FAF1: variants seen among roughly 807,000 people sequenced by gnomAD.
The protein encoded by FAF1 is Fas associated factor 1, also known as FAS-associated factor 1.
Under a neutral mutation model 92.5 loss-of-function variants are expected in FAF1, and 25 were observed. That is an observed-to-expected ratio of 0.27 (90% CI 0.20 to 0.38). The LOEUF (loss-of-function observed/expected upper bound fraction) is 0.38. Among genes scored for constraint, FAF1 ranks in the 10% least tolerant of loss-of-function variants. FAF1 has a pLI of 1.00. For missense variants in FAF1, 636 were observed against 793.3 expected, an observed-to-expected ratio of 0.80 and a Z score of 2.38; for synonymous variants, 234 against 273.2, an observed-to-expected ratio of 0.86 and a Z score of 1.42.
chr1:50,769,699 G>C (rs987545835), intron 4 of FAF1, among the ~76,000 whole-genome samples: 1 of 152,112 alleles, frequency 6.6e-6, no homozygotes, highest in African/African-American at 2.4e-5. Flanking sequence ...AAAACCACAT[G>C]ATCATTTCAA....
chr1:50,475,652 G>A lies in FAF1; in HGVS notation c.1681C>T (p.Leu561=). 1 of 1,613,958 alleles carries A rather than the reference G, an allele frequency of 6.2e-7. No individual in the cohort carries two copies. The highest frequency in any genetic ancestry group is 8.5e-7 in the Non-Finnish European group (1 of 1,179,948). The stretch of plus-strand genomic sequence containing the variant: ...TTTTCTTCCTTTGGCTCAGGAGGCA[G>A]GGCTTGCTCTAAGGACAGCCGGATG... ...EAIRLSLEQA[L]PPEPKEENAE... The change falls in exon 18 of 19, where the codon CTG becomes TTG. Residue 561 remains leucine (L), a synonymous_variant. Transcript: ENST00000396153.
At chr1:50,543,399 A>G (rs1648848995) in intron 13 of FAF1, among the ~76,000 whole-genome samples, 1 of 152,200 alleles carries the variant, frequency 6.6e-6, no homozygotes, top group Non-Finnish European at 1.5e-5. Context: ...AAAACTGTCA[A>G]CTACTCTATT....
At chr1:50,563,170 A>C (rs1650011606) in intron 13 of FAF1, among the ~76,000 whole-genome samples, 1 of 152,160 alleles carries the variant, frequency 6.6e-6, no homozygotes. Context: ...CTATGAAGTG[A>C]TTTGCAAGAT....
chr1:50,596,935 T>C (rs903196068), intron 8 of FAF1, among the ~76,000 whole-genome samples: 1 of 152,198 alleles, frequency 6.6e-6, no homozygotes, highest in Non-Finnish European at 1.5e-5. Context: ...CTTTAAAAGA[T>C]ACTTTGAAAA....
intron 2 of FAF1, chr1:50,846,635 TG>T: frequency 1.9e-6 from 1 of 531,800 alleles, no homozygotes; most frequent in South Asian, 1.5e-5. Flanking sequence ...CCACAATCAG[TG>T]GCACAACAGA....
At chr1:50,486,138 C>T (rs563682997) in intron 17 of FAF1, among the ~76,000 whole-genome samples, 1 of 152,202 alleles carries the variant, frequency 6.6e-6, no homozygotes, top group African/African-American at 2.4e-5. Context: ...TTCTGTTTTC[C>T]CACTTAGTAG....
chr1:50,508,960 T>G (rs1425871910), intron 15 of FAF1, among the ~76,000 whole-genome samples: 2 of 152,176 alleles, frequency 1.3e-5, no homozygotes, highest in African/African-American at 4.8e-5. Flanking sequence ...CACCTCGGCC[T>G]CCCAAAGTGC....
At chr1:50,786,923 T>C (rs1350447252) in intron 4 of FAF1, among the ~76,000 whole-genome samples, 1 of 152,212 alleles carries the variant, frequency 6.6e-6, no homozygotes, top group Non-Finnish European at 1.5e-5. Flanking sequence ...TGTTTGGGAA[T>C]GAACTGTTAA....
At chr1:50,481,187 A>C (rs1254274411) in intron 17 of FAF1, among the ~76,000 whole-genome samples, 1 of 152,182 alleles carries the variant, frequency 6.6e-6, no homozygotes, top group African/African-American at 2.4e-5. Flanking sequence ...AGGTTTATTC[A>C]TTGCTGAAAA....
At chr1:50,786,068 G>A (rs1471277358) in intron 4 of FAF1, among the ~76,000 whole-genome samples, 1 of 151,848 alleles carries the variant, frequency 6.6e-6, no homozygotes, top group African/African-American at 2.4e-5. Context: ...AGAGTTTGAG[G>A]CTACAGTGAG....
At chr1:50,763,871 C>T (rs574279253) in intron 4 of FAF1, among the ~76,000 whole-genome samples, 1 of 152,130 alleles carries the variant, frequency 6.6e-6, no homozygotes, top group African/African-American at 2.4e-5. Flanking sequence ...TAAGAAACCA[C>T]CATTTCCCAA....
intron 9 of FAF1, among the ~76,000 whole-genome samples, chr1:50,591,556 C>T (rs529405562): frequency 9.9e-5 from 15 of 152,006 alleles, no homozygotes; most frequent in Non-Finnish European, 1.8e-4. Context: ...GCCTATAATC[C>T]CAGTTACTCA....
chr1:50,616,681 ATT>A (rs201295380), intron 8 of FAF1, among the ~76,000 whole-genome samples: 62 of 136,086 alleles, frequency 4.6e-4, no homozygotes, highest in African/African-American at 1.0e-3. Context: ...TTGTATACTG[ATT>A]TTTTTTTTTT....
chr1:50,830,841 G>T (rs1460317305), intron 2 of FAF1, among the ~76,000 whole-genome samples: 1 of 151,956 alleles, frequency 6.6e-6, no homozygotes, highest in Non-Finnish European at 1.5e-5. Context: ...TAAGAATAAA[G>T]AAATTCTAGA....
chr1:50,918,200 T>G (rs1289893621), intron 1 of FAF1, among the ~76,000 whole-genome samples: 2 of 151,022 alleles, frequency 1.3e-5, no homozygotes, highest in African/African-American at 2.4e-5. Flanking sequence ...AATTTTTTTT[T>G]TTTAATTATA....
intron 15 of FAF1, among the ~76,000 whole-genome samples, chr1:50,531,044 G>A (rs964997200): frequency 1.1e-4 from 16 of 152,174 alleles, no homozygotes; most frequent in Admixed American, 9.2e-4. Context: ...GGTAATAAAC[G>A]TTATCTTCCC....
rs1646625941 is a variant in FAF1, at chr1:50,475,374, A to G, written c.1869+90T>C. On this transcript the variant is annotated intron_variant, in intron 18 of 18. Transcript: ENST00000396153. ...TGTTTGTCTTGTAGTTGCCTGCACC[A>G]TGGGACTTTTCTTGAACTACTTTGT... The G allele has an allele frequency of 2.0e-6, 2 of 977,726 alleles. 1 individual carries two copies. The highest frequency in any genetic ancestry group is 4.4e-4 in the Middle Eastern group (2 of 4,564). 60.6% of individuals were successfully genotyped at this position (977,726 alleles called of 1,614,324 possible).
chr1:50,535,586 C>A, intron 14 of FAF1, 129 bp from the exon 15 acceptor site: 1 of 548,568 alleles, frequency 1.8e-6, no homozygotes, highest in Non-Finnish European at 3.2e-6. Flanking sequence ...AAAAAAATTA[C>A]AGTTAAAATA....
chr1:50,465,405 GTAGAAGAGAGCATTATT>G (rs1646482133), intron 18 of FAF1, among the ~76,000 whole-genome samples: 1 of 152,170 alleles, frequency 6.6e-6, no homozygotes, highest in South Asian at 2.1e-4. Flanking sequence ...AACTCAATAA[GTAGAAGAGAGCATTATT>G]ATTATTTCAC....
Sources: allele counts gnomAD v4.1 joint callset (sites outside exome capture counted in the v4.1 genomes callset), GRCh38; gene constraint gnomAD v4.1.1; transcripts MANE v1.5; gene names NCBI Gene and HGNC (gene_info 2026-07-23, HGNC 2026-07-21).